Variants in NMT2 observed in about 807,000 individuals in gnomAD.
NMT2 encodes N-myristoyltransferase 2, also known as glycylpeptide N-tetradecanoyltransferase 2.
A neutral mutation model predicts 65.4 loss-of-function variants in NMT2; 35 were observed. That is an observed-to-expected ratio of 0.54 (90% CI 0.41 to 0.71). NMT2 has a LOEUF of 0.71. Among genes scored for constraint, NMT2 ranks in the 30% least tolerant of loss-of-function variants. NMT2 has a pLI of 0.00. For missense variants in NMT2, 489 were observed against 611.3 expected (o/e 0.80, Z 2.11); for synonymous variants, 226 against 231.8 (o/e 0.98, Z 0.23).
rs1489819012 is a variant in NMT2 at position 15,108,758 on chromosome 10, G to T, written c.*437C>A. On this transcript the variant is annotated 3_prime_UTR_variant, in exon 12 of 12. Coordinates refer to ENST00000378165, the MANE Select transcript of NMT2 (RefSeq NM_004808.3). ...TACCAGTAAAAAAAATTTCCAAATG[G>T]ATCTTTTGTTCTGTTACATGGACAA... 25 of 1,015,670 alleles carry T rather than the reference G, an allele frequency of 2.5e-5. No individual in the cohort carries two copies. The highest frequency in any genetic ancestry group is 2.8e-5 in the Non-Finnish European group (24 of 850,804). The allele number at this position is 1,015,670 out of a possible 1,614,324, so 62.9% of individuals were successfully genotyped here.
chr10:15,127,391 C>T (rs1846109492), intron 8 of NMT2, among the ~76,000 whole-genome samples: 1 of 149,280 alleles, frequency 6.7e-6, no homozygotes, highest in Non-Finnish European at 1.5e-5. Context: ...ACTAAAAATA[C>T]AAAAAATTAG....
chr10:15,130,573 G>A (rs776871456), intron 6 of NMT2, among the ~76,000 whole-genome samples: 7 of 151,612 alleles, frequency 4.6e-5, no homozygotes, highest in East Asian at 2.0e-4. Context: ...TCATGTTGCC[G>A]CATGCATGTG....
At chr10:15,124,621 TAA>T (rs1180198520) in intron 8 of NMT2, among the ~76,000 whole-genome samples, 7 of 152,206 alleles carry the variant, frequency 4.6e-5, no homozygotes, top group Non-Finnish European at 4.4e-5. Context: ...CTGTATTCCA[TAA>T]GTTTGCTTTT....
chr10:15,124,892 G>A (rs1400737838), intron 8 of NMT2, among the ~76,000 whole-genome samples: 1 of 152,104 alleles, frequency 6.6e-6, no homozygotes, highest in Non-Finnish European at 1.5e-5. Context: ...GGAGACTGGG[G>A]CAAGCCAATG....
intron 2 of NMT2, chr10:15,141,027 G>C (rs1325982989): frequency 9.7e-6 from 15 of 1,550,634 alleles, no homozygotes; most frequent in Admixed American, 2.0e-5. Context: ...AGATGGTGTT[G>C]TGCTATTCAG....
Position 15,132,333 on chromosome 10 carries a change from G to A in NMT2, c.719+484C>T, listed in dbSNP as rs371125822. The stretch of plus-strand genomic sequence containing the variant: ...ATTTTAAAACAGTTTTAGGTTCACA[G>A]CAAAACCAATCAGAGAGTTTCCATA... On this transcript the variant is annotated intron_variant, in intron 6 of 11. Coordinates refer to ENST00000378165, the MANE Select transcript of NMT2 (RefSeq NM_004808.3). 9.4e-4 allele frequency among the ~76,000 whole-genome samples: 143 copies of A among 152,148 alleles called. 1 individual carries two copies. The highest frequency in any genetic ancestry group is 3.2e-3 in the African/African-American group (134 of 41,532).
At chr10:15,127,563 A>T (rs1301652452) in intron 8 of NMT2, among the ~76,000 whole-genome samples, 2,578 of 89,538 alleles carry the variant, frequency 0.029, 76 homozygotes, top group Non-Finnish European at 0.034. Flanking sequence ...AAAAAAAAAA[A>T]AAAAAAATAA....
chr10:15,142,437 T>A (rs898701777), intron 1 of NMT2, among the ~76,000 whole-genome samples: 2 of 152,070 alleles, frequency 1.3e-5, no homozygotes, highest in African/African-American at 2.4e-5. Flanking sequence ...TGGCACGCAC[T>A]TGTAGTCCCA....
At chr10:15,156,511 T>C (rs576393691) in intron 1 of NMT2, among the ~76,000 whole-genome samples, 1 of 152,158 alleles carries the variant, frequency 6.6e-6, no homozygotes, top group Non-Finnish European at 1.5e-5. Context: ...ATATTTGCAT[T>C]TTTGTAAATA....
intron 1 of NMT2, among the ~76,000 whole-genome samples, chr10:15,161,342 G>A (rs979480804): frequency 1.3e-5 from 2 of 151,872 alleles, no homozygotes; most frequent in African/African-American, 4.8e-5. Flanking sequence ...AAGACAGGAT[G>A]TGTTTTATTT....
At chr10:15,160,589 C>G (rs1376973582) in intron 1 of NMT2, among the ~76,000 whole-genome samples, 1 of 151,520 alleles carries the variant, frequency 6.6e-6, no homozygotes, top group African/African-American at 2.4e-5. Flanking sequence ...AGCCGGCCAA[C>G]GTGGTGAAAC....
chr10:15,114,345 C>T (rs777558869), intron 9 of NMT2, among the ~76,000 whole-genome samples: 1 of 152,172 alleles, frequency 6.6e-6, no homozygotes, highest in Non-Finnish European at 1.5e-5. Context: ...TGTTTCCTCT[C>T]TTGCTGTTAA....
At position 15,130,184 on chromosome 10, in the gene NMT2, T is replaced by C. The variant is rs1277225861; in HGVS notation, c.848A>G (p.Tyr283Cys). ...VNLEGIFQAV[Y>C]TAGVVLPKPI... ...CTTAGGAAGAACCACTCCCGCGGTG[T>C]ACACAGCCTGGAAGATCCCTTCCAG... Residue 283 changes from tyrosine (Y) to cysteine (C), a missense_variant, in exon 7 of 12, where the codon TAC becomes TGC. By Grantham distance (194) the Tyr-to-Cys change is radical. Transcript: ENST00000378165. The C allele has an allele frequency of 6.3e-7, 1 of 1,597,026 alleles. No homozygotes were observed. The highest frequency in any genetic ancestry group is 8.5e-7 in the Non-Finnish European group (1 of 1,170,488).
chr10:15,146,047 C>A (rs1195537620), intron 1 of NMT2, among the ~76,000 whole-genome samples: 1 of 152,180 alleles, frequency 6.6e-6, no homozygotes, highest in East Asian at 1.9e-4. Context: ...AAATTCAGCC[C>A]TGCATATCAT....
Position 15,112,871 on chromosome 10 carries a change from G to C in NMT2, c.1263C>G (p.Ala421=), listed in dbSNP as rs142633286. ...CTGTGTGGATGTTGTAGAATGAGTA[G>C]GCGGCTTTGAGGCTCTTGTGAGCAG... ...HHPAHKSLKA[A]YSFYNIHTET... is the part of the protein sequence containing the mutation. The change falls in exon 10 of 12, where the codon GCC becomes GCG. Residue 421 remains alanine, a synonymous_variant. Transcript: ENST00000378165. 240 of 1,614,132 alleles carry C rather than the reference G, an allele frequency of 1.5e-4. 2 individuals carry two copies. The African/African-American group carries it at 2.2e-3, about 15-fold the overall frequency.
At chr10:15,119,586 T>TC in intron 8 of NMT2, 73 bp from the exon 9 acceptor site, 1 of 1,347,610 alleles carries the variant, frequency 7.4e-7, no homozygotes, top group Non-Finnish European at 1.1e-6. Context: ...GCACTCAAAG[T>TC]GTGGTCTGCA....
Position 15,112,542 on chromosome 10 carries a change from T to C in NMT2, c.1338+254A>G, listed in dbSNP as rs1845597677. On this transcript the variant is annotated intron_variant, in intron 10 of 11. Transcript: ENST00000378165. Reference sequence around the variant, plus strand: ...CCATGCCCAGCCTTATATATTCTTATATAAGGATTAAACATTTATAATTTG... The same window carrying C: ...CCATGCCCAGCCTTATATATTCTTACATAAGGATTAAACATTTATAATTTG... 2.0e-5 allele frequency among the ~76,000 whole-genome samples: 3 copies of C among 151,976 alleles called. No individual in the cohort carries two copies. In the South Asian group the frequency reaches 6.2e-4, roughly 31 times the overall value.
intron 9 of NMT2, among the ~76,000 whole-genome samples, chr10:15,118,309 AG>A (rs1360364564): frequency 6.6e-6 from 1 of 152,208 alleles, no homozygotes; most frequent in African/African-American, 2.4e-5. Context: ...AGGCCAAGGC[AG>A]GTGAATCACC....
intron 10 of NMT2, 34 bp from the exon 11 acceptor site, chr10:15,109,873 A>G: frequency 6.4e-7 from 1 of 1,558,786 alleles, no homozygotes; most frequent in Non-Finnish European, 8.7e-7. Context: ...AATTTAAAAC[A>G]AAGGACTAGT....
Sources: allele counts gnomAD v4.1 joint callset (sites outside exome capture counted in the v4.1 genomes callset), GRCh38; gene constraint gnomAD v4.1.1; transcripts MANE v1.5; gene names NCBI Gene and HGNC (gene_info 2026-07-23, HGNC 2026-07-21).